The following RBFOX1 variants were observed in gnomAD, a reference collection of about 807,000 sequenced individuals.
RBFOX1 encodes RNA binding fox-1 homolog 1, also known as RNA binding protein fox-1 homolog 1.
In RBFOX1, 8 loss-of-function variants were observed where a neutral mutation model predicts 57.7. The ratio of observed to expected loss-of-function variants is 0.14; its 90% CI spans 0.08 to 0.25. RBFOX1 has a LOEUF of 0.25. RBFOX1 is among the 10% of genes least tolerant of loss of function. RBFOX1 has a pLI of 1.00. For missense variants in RBFOX1, 611 were observed against 548.5 expected, an observed-to-expected ratio of 1.11 and a Z score of -1.14; for synonymous variants, 326 against 222.4, an observed-to-expected ratio of 1.47 and a Z score of -4.15.
chr16:6,845,926 T>G (rs984940956), intron 3 of RBFOX1, among the ~76,000 whole-genome samples: 4 of 152,188 alleles, frequency 2.6e-5, no homozygotes, highest in African/African-American at 9.6e-5. Context: ...AAGGCAAATC[T>G]CAACCTGCCA....
chr16:7,673,432 C>T lies in RBFOX1; in HGVS notation c.931-3342C>T, dbSNP rs1260683964. On this transcript the variant is annotated intron_variant, in intron 13 of 15. Transcript: ENST00000550418. ...TTTTGAAACTGCTTTATTAGCTAGGCACAGTGGCTTACACCTGTAATCCCA... is the reference window on the plus strand; with the variant it reads ...TTTTGAAACTGCTTTATTAGCTAGGTACAGTGGCTTACACCTGTAATCCCA... Among the ~76,000 whole-genome samples, 6 of 152,268 alleles carry T rather than the reference C, an allele frequency of 3.9e-5. No homozygotes were observed. The South Asian group carries it at 6.2e-4, about 16-fold the overall frequency.
At chr16:5,657,111 A>G (rs1480797979) in intron 3 of RBFOX1, among the ~76,000 whole-genome samples, 1 of 152,210 alleles carries the variant, frequency 6.6e-6, no homozygotes, top group Non-Finnish European at 1.5e-5. Context: ...TAGAAAAAAA[A>G]GAAACAGTCT....
At chr16:7,220,007 C>T (rs541604838) in intron 4 of RBFOX1, among the ~76,000 whole-genome samples, 2 of 152,192 alleles carry the variant, frequency 1.3e-5, no homozygotes, top group East Asian at 3.9e-4. Flanking sequence ...TGTGGTGTAT[C>T]TTGTTCGATT....
chr16:7,264,740 C>T (rs966586914), intron 4 of RBFOX1, among the ~76,000 whole-genome samples: 1 of 152,074 alleles, frequency 6.6e-6, no homozygotes, highest in Non-Finnish European at 1.5e-5. Flanking sequence ...CCATTCTTAG[C>T]TCTTGGCTAT....
At chr16:5,349,166 T>C (rs1456904914) in intron 1 of RBFOX1, among the ~76,000 whole-genome samples, 2 of 152,198 alleles carry the variant, frequency 1.3e-5, no homozygotes, top group South Asian at 2.1e-4. Flanking sequence ...AAGGACATTA[T>C]GCTAAGGGAA....
chr16:6,502,021 G>C (rs74463476), intron 2 of RBFOX1, among the ~76,000 whole-genome samples: 1 of 152,158 alleles, frequency 6.6e-6, no homozygotes, highest in Non-Finnish European at 1.5e-5. Flanking sequence ...TGGAATGCCT[G>C]CTTAGGGGGG....
chr16:6,606,421 G>C (rs1199753755), intron 2 of RBFOX1, among the ~76,000 whole-genome samples: 1 of 152,140 alleles, frequency 6.6e-6, no homozygotes, highest in Non-Finnish European at 1.5e-5. Context: ...TTGTTACACA[G>C]GTAAACGTGT....
chr16:7,517,138 C>CGTGT (rs200887129), intron 4 of RBFOX1, among the ~76,000 whole-genome samples: 5,269 of 130,048 alleles, frequency 0.041, 147 homozygotes, highest in Admixed American at 0.074. Flanking sequence ...TTTCTTATGC[C>CGTGT]GTGTGTGTGT....
intron 3 of RBFOX1, among the ~76,000 whole-genome samples, chr16:5,815,117 C>G (rs556883385): frequency 3.8e-4 from 57 of 150,764 alleles, no homozygotes; most frequent in South Asian, 1.5e-3. Context: ...GTCACTGGGA[C>G]TGCAGGTGTG....
At chr16:6,942,579 C>T (rs1021199057) in intron 3 of RBFOX1, among the ~76,000 whole-genome samples, 2 of 152,040 alleles carry the variant, frequency 1.3e-5, no homozygotes, top group Admixed American at 6.5e-5. Flanking sequence ...TAGACTAAGG[C>T]AAGTGATTGG....
chr16:5,481,224 T>C (rs905233749), intron 2 of RBFOX1, among the ~76,000 whole-genome samples: 1 of 152,214 alleles, frequency 6.6e-6, no homozygotes, highest in Non-Finnish European at 1.5e-5. Flanking sequence ...ATTAGACTGG[T>C]GTAATCCAAG....
chr16:7,358,537 C>G (rs1350797069), intron 4 of RBFOX1, among the ~76,000 whole-genome samples: 1 of 152,130 alleles, frequency 6.6e-6, no homozygotes, highest in Non-Finnish European at 1.5e-5. Flanking sequence ...TCTCTTGCCT[C>G]AGCCTCCCTA....
intron 1 of RBFOX1, among the ~76,000 whole-genome samples, chr16:6,222,015 C>A (rs78384328): frequency 0.021 from 3,144 of 152,150 alleles, 121 homozygotes; most frequent in African/African-American, 0.072. Context: ...CCTCATGTCA[C>A]TTTTTAATGA....
At chr16:6,754,345 C>T (rs796173913) in intron 3 of RBFOX1, among the ~76,000 whole-genome samples, 117 of 152,282 alleles carry the variant, frequency 7.7e-4, no homozygotes, top group African/African-American at 2.8e-3. Flanking sequence ...AATTATCTCT[C>T]TGAAAAATTT....
chr16:5,648,148 C>G (rs546606535), intron 3 of RBFOX1, among the ~76,000 whole-genome samples: 2 of 152,302 alleles, frequency 1.3e-5, no homozygotes, highest in Admixed American at 6.5e-5. Flanking sequence ...GCATGAGCCA[C>G]TGCACCTGGC....
intron 2 of RBFOX1, among the ~76,000 whole-genome samples, chr16:6,481,468 A>G (rs894949098): frequency 2.0e-5 from 3 of 152,246 alleles, no homozygotes; most frequent in Non-Finnish European, 4.4e-5. Context: ...CTGTCTCTCC[A>G]TCGGCCACCC....
intron 10 of RBFOX1, among the ~76,000 whole-genome samples, chr16:7,622,357 G>C (rs1290955849): frequency 6.6e-6 from 1 of 152,206 alleles, no homozygotes; most frequent in Non-Finnish European, 1.5e-5. Flanking sequence ...GATACCCAGT[G>C]ATTCTCAGGT....
At chr16:7,679,391 T>C (rs1010493652) in intron 14 of RBFOX1, among the ~76,000 whole-genome samples, 3 of 152,164 alleles carry the variant, frequency 2.0e-5, no homozygotes, top group Non-Finnish European at 4.4e-5. Context: ...TCCTCTTCTG[T>C]AGAAGACAGG....
chr16:5,912,888 T>C (rs2058632136), intron 4 of RBFOX1, among the ~76,000 whole-genome samples: 2 of 152,252 alleles, frequency 1.3e-5, no homozygotes. Flanking sequence ...TGCCAGGAGC[T>C]TGTCCAGTTC....
Sources: gnomAD v4.1 joint callset for allele counts (sites outside exome capture counted in the v4.1 genomes callset) on GRCh38, gnomAD v4.1.1 for gene constraint, MANE v1.5 for transcripts, NCBI Gene and HGNC (gene_info 2026-07-23, HGNC 2026-07-21) for gene names.